Variants in PHC2 observed in about 807,000 individuals in gnomAD.
The protein encoded by PHC2 is polyhomeotic homolog 2.
A neutral mutation model predicts 87.4 loss-of-function variants in PHC2; 29 were observed. That is an observed-to-expected ratio of 0.33 (90% CI 0.25 to 0.45). The LOEUF (loss-of-function observed/expected upper bound fraction) is 0.45, where lower values mean the gene tolerates loss of function less well. Among genes scored for constraint, PHC2 ranks in the 20% least tolerant of loss-of-function variants. The pLI is 1.00. For missense variants in PHC2, 857 were observed against 1,136.7 expected, an observed-to-expected ratio of 0.75 and a Z score of 3.54; for synonymous variants, 438 against 461.7, an observed-to-expected ratio of 0.95 and a Z score of 0.66.
rs548767730 is a variant in PHC2 at position 33,427,497 on chromosome 1, T to G, written c.-55+3479A>C. 1.7e-4 allele frequency among the ~76,000 whole-genome samples: 26 copies of G among 152,278 alleles called. No homozygotes were observed. In the East Asian group the frequency reaches 5.0e-3, roughly 29 times the overall value. On this transcript the variant is annotated intron_variant, in intron 1 of 14. Transcript: ENST00000683057. The stretch of plus-strand genomic sequence containing the variant: ...CTTTCATTGCCAAACATACAAAAGG[T>G]GATCCGCATGCTGTCTCCACTTCTT...
chr1:33,385,569 T>C (rs1487311222), intron 1 of PHC2, among the ~76,000 whole-genome samples: 2 of 152,168 alleles, frequency 1.3e-5, no homozygotes, highest in African/African-American at 4.8e-5. Context: ...AGCTTAAGCA[T>C]GGATTACAAA....
intron 1 of PHC2, among the ~76,000 whole-genome samples, chr1:33,428,034 A>C (rs1287063330): frequency 6.6e-6 from 1 of 152,074 alleles, no homozygotes; most frequent in Non-Finnish European, 1.5e-5. Flanking sequence ...CTCCTATAAT[A>C]CCACGCATTA....
intron 1 of PHC2, among the ~76,000 whole-genome samples, chr1:33,379,756 C>T (rs1648399486): frequency 6.6e-6 from 1 of 151,554 alleles, no homozygotes; most frequent in African/African-American, 2.4e-5. Flanking sequence ...TGCCCTCTTG[C>T]CCCGCTGTGA....
rs866173891 is a variant in PHC2 at position 33,349,190 on chromosome 1, G to A, written c.1558+5211C>T. 2.0e-5 allele frequency: 20 copies of A among 985,448 alleles called. No homozygotes were observed. The highest frequency in any genetic ancestry group is 5.2e-4 in the Middle Eastern group (1 of 1,914). The allele number at this position is 985,448 out of a possible 1,614,324, so 61.0% of individuals were successfully genotyped here. ...AAAAACAAAACTCTCCAGCGAAGCC[G>A]CAGGCGCCTCCAAGATAGGGAGTCC... On this transcript the variant is annotated intron_variant, in intron 9 of 14. Transcript: ENST00000683057. This position sits in a 1 kb window ranked among gnomAD's most constrained non-coding sequence, Gnocchi z 4.2.
rs750876262 is a variant in PHC2 at position 33,382,510 on chromosome 1, C to T, written c.-54-6917G>A. On this transcript the variant is annotated intron_variant, in intron 1 of 14. Transcript: ENST00000683057. The surrounding 1 kb of genome is among the most constrained non-coding windows in gnomAD (Gnocchi z 4.3). ...ATCCCTGCGGACTCCCATTATAAATCACAGCCAAATCTCATTAATGGCTAA... is the reference window on the plus strand; with the variant it reads ...ATCCCTGCGGACTCCCATTATAAATTACAGCCAAATCTCATTAATGGCTAA... 1.2e-4 allele frequency among the ~76,000 whole-genome samples: 19 copies of T among 152,174 alleles called. No individual in the cohort carries two copies. Among genetic ancestry groups the T allele is most frequent in the South Asian group, 6.2e-4 (3 of 4,820 alleles).
intron 1 of PHC2, among the ~76,000 whole-genome samples, chr1:33,393,462 GGTT>G (rs1649159293): frequency 1.0e-5 from 1 of 97,226 alleles, no homozygotes; most frequent in Non-Finnish European, 2.0e-5. Context: ...CTTTTCAAGA[GGTT>G]TTTTTTTTTT....
intron 1 of PHC2, among the ~76,000 whole-genome samples, chr1:33,407,102 T>C (rs1351221369): frequency 6.6e-6 from 1 of 152,232 alleles, no homozygotes; most frequent in Non-Finnish European, 1.5e-5. Context: ...TTCACTTTTG[T>C]AAGTTCTATT....
chr1:33,357,792 C>A (rs1046235717), intron 7 of PHC2, among the ~76,000 whole-genome samples: 1 of 152,168 alleles, frequency 6.6e-6, no homozygotes, highest in Non-Finnish European at 1.5e-5. Context: ...GCCCCCACAG[C>A]CAAAATGATC....
At chr1:33,354,354 A>G (rs1211319140) in intron 9 of PHC2, 47 bp downstream of exon 9, 1 of 1,559,128 alleles carries the variant, frequency 6.4e-7, no homozygotes, top group Admixed American at 1.8e-5. Context: ...GCATGGCAAG[A>G]AAGGCCAACT....
chr1:33,368,292 T>A lies in PHC2; in HGVS notation c.663+244A>T, dbSNP rs1647604912. Among the ~76,000 whole-genome samples, 1 of 152,102 alleles carries A rather than the reference T, an allele frequency of 6.6e-6. No individual in the cohort carries two copies. Among genetic ancestry groups the A allele is most frequent in the African/African-American group, 2.4e-5 (1 of 41,412 alleles). ...GCACAGCCCACCCCTCCCTGGCAAA[T>A]CATGCTGGCCTCAGCAGGCTGCCCT... On this transcript the variant is annotated intron_variant, in intron 6 of 14. Coordinates refer to ENST00000683057, the MANE Select transcript of PHC2 (RefSeq NM_001385109.1). This position sits in a 1 kb window ranked among gnomAD's most constrained non-coding sequence, Gnocchi z 6.6.
chr1:33,348,609 G>A (rs1646890291), intron 9 of PHC2, among the ~76,000 whole-genome samples: 1 of 152,190 alleles, frequency 6.6e-6, no homozygotes, highest in African/African-American at 2.4e-5. Flanking sequence ...ACATATGATG[G>A]ATTTAGGTAG....
rs1230434900 is a variant in PHC2, at chr1:33,355,007, T to TG, written c.1222dup (p.Gln408ProfsTer22). On this transcript the variant is annotated frameshift_variant, in exon 8 of 15. Coordinates refer to ENST00000683057, the MANE Select transcript of PHC2 (RefSeq NM_001385109.1). LOFTEE classifies it high-confidence loss of function. The stretch of plus-strand genomic sequence containing the variant: ...CTTGTGCAGGTTGGCAGTGGGACAC[T>TG]GGAGTGGCAGGGCGGGTGTAACCGG... 6.2e-7 allele frequency: 1 copy of TG among 1,614,070 alleles called. No individual in the cohort carries two copies. The highest frequency in any genetic ancestry group is 1.7e-5 in the Admixed American group (1 of 60,018).
At chr1:33,403,159 A>C (rs1570509315) in intron 1 of PHC2, among the ~76,000 whole-genome samples, 1 of 91,722 alleles carries the variant, frequency 1.1e-5, no homozygotes, top group Non-Finnish European at 2.0e-5. Context: ...ATGGAGTCTC[A>C]CCCTGTCGCC....
chr1:33,417,137 T>C (rs1650245157), intron 1 of PHC2, among the ~76,000 whole-genome samples: 1 of 151,414 alleles, frequency 6.6e-6, no homozygotes, highest in South Asian at 2.1e-4. Context: ...CAAAGACACA[T>C]AAGCAATAAT....
chr1:33,371,134 T>A, intron 3 of PHC2, 40 bp from the exon 4 acceptor site: 1 of 1,518,850 alleles, frequency 6.6e-7, no homozygotes, highest in African/African-American at 1.4e-5. Context: ...GTCCCAGACC[T>A]CCCCCAGTCA....
chr1:33,381,093 ACCC>A (rs908027841), intron 1 of PHC2, among the ~76,000 whole-genome samples: 1 of 151,400 alleles, frequency 6.6e-6, no homozygotes, highest in East Asian at 1.9e-4. Context: ...ACTGAATGCA[ACCC>A]CCCCAACTCT....
At chr1:33,354,670 A>G in intron 8 of PHC2, 104 bp from the exon 9 acceptor site, 1 of 1,361,014 alleles carries the variant, frequency 7.3e-7, no homozygotes, top group South Asian at 1.4e-5. Flanking sequence ...TAAGGACCTT[A>G]AGATTCAGTC....
At chr1:33,430,537 GCAAGAC>G (rs1650868306) in intron 1 of PHC2, among the ~76,000 whole-genome samples, 2 of 152,236 alleles carry the variant, frequency 1.3e-5, no homozygotes, top group South Asian at 4.1e-4. Flanking sequence ...CGCAGGCCGC[GCAAGAC>G]CACGGGCTGC....
At chr1:33,385,269 C>G (rs1244850745) in intron 1 of PHC2, among the ~76,000 whole-genome samples, 1 of 152,164 alleles carries the variant, frequency 6.6e-6, no homozygotes, top group Non-Finnish European at 1.5e-5. Context: ...TTACCCCGAC[C>G]TCCCAGAGCT....
Sources: allele counts gnomAD v4.1 joint callset (sites outside exome capture counted in the v4.1 genomes callset), GRCh38; gene constraint gnomAD v4.1.1; non-coding constraint Gnocchi (gnomAD v3.1); transcripts MANE v1.5; gene names NCBI Gene and HGNC (gene_info 2026-07-23, HGNC 2026-07-21).